CADM1: variants seen among roughly 807,000 people sequenced by gnomAD.
The protein encoded by CADM1 is cell adhesion molecule 1.
A neutral mutation model predicts 53.1 loss-of-function variants in CADM1; 15 were observed. The observed-to-expected ratio is 0.28, with a 90% CI of 0.19 to 0.44. The LOEUF is 0.44. CADM1 is among the 20% of genes least tolerant of loss of function. The probability of loss-of-function intolerance (pLI) is 1.00; values close to 1 mark genes in which losing one functional copy is unlikely to be tolerated. For missense variants in CADM1, 434 were observed against 611.3 expected, an observed-to-expected ratio of 0.71 and a Z score of 3.06; for synonymous variants, 281 against 243.0, an observed-to-expected ratio of 1.16 and a Z score of -1.45.
At chr11:115,298,653 G>A (rs1259882858) in intron 1 of CADM1, among the ~76,000 whole-genome samples, 1 of 152,212 alleles carries the variant, frequency 6.6e-6, no homozygotes, top group Non-Finnish European at 1.5e-5. Flanking sequence ...TTGAGAAAGA[G>A]TTGGAAAGAT....
At chr11:115,354,027 G>C (rs1945802132) in intron 1 of CADM1, among the ~76,000 whole-genome samples, 1 of 152,136 alleles carries the variant, frequency 6.6e-6, no homozygotes, top group South Asian at 2.1e-4. Flanking sequence ...CTAGTGTCCA[G>C]CACACAGTAC....
At chr11:115,178,838 G>C in intron 10 of CADM1, 63 bp from the exon 11 acceptor site, 1 of 1,577,944 alleles carries the variant, frequency 6.3e-7, no homozygotes, top group South Asian at 1.1e-5. Flanking sequence ...AAGCCCCGGC[G>C]ACACTGTCTC....
intron 1 of CADM1, among the ~76,000 whole-genome samples, chr11:115,308,209 TATAC>T (rs1565356351): frequency 5.2e-5 from 3 of 58,030 alleles, no homozygotes; most frequent in African/African-American, 2.4e-4. Flanking sequence ...TATATATATA[TATAC>T]ACACCTATGA....
At chr11:115,385,117 A>C (rs1163214442) in intron 1 of CADM1, among the ~76,000 whole-genome samples, 1 of 150,338 alleles carries the variant, frequency 6.7e-6, no homozygotes, top group Non-Finnish European at 1.5e-5. Context: ...ATACATTCAT[A>C]CTCATTTTAG....
At chr11:115,336,755 A>C (rs575586680) in intron 1 of CADM1, among the ~76,000 whole-genome samples, 38 of 152,294 alleles carry the variant, frequency 2.5e-4, no homozygotes, top group Non-Finnish European at 4.4e-4. Flanking sequence ...AGTAAGGTTA[A>C]AAATAAGTAT....
At chr11:115,252,616 A>G (rs1323354609) in intron 1 of CADM1, among the ~76,000 whole-genome samples, 8 of 152,210 alleles carry the variant, frequency 5.3e-5, no homozygotes, top group Non-Finnish European at 1.0e-4. Flanking sequence ...AACATGACTT[A>G]TCGTCTGGGT....
At chr11:115,484,338 G>A (rs539906810) in intron 1 of CADM1, among the ~76,000 whole-genome samples, 15 of 152,204 alleles carry the variant, frequency 9.9e-5, no homozygotes, top group Non-Finnish European at 1.6e-4. Context: ...CCTGCCATCC[G>A]GAAAGTGCTC....
intron 8 of CADM1, 121 bp from the exon 9 acceptor site, chr11:115,198,559 C>A: frequency 1.4e-6 from 1 of 730,486 alleles, no homozygotes; most frequent in South Asian, 1.5e-5. Context: ...AAGAACATCG[C>A]GTGACAAGCA....
At chr11:115,430,233 T>C (rs191482617) in intron 1 of CADM1, among the ~76,000 whole-genome samples, 6 of 152,332 alleles carry the variant, frequency 3.9e-5, no homozygotes. Flanking sequence ...CTCTTCACTT[T>C]CTCATTCTCC....
chr11:115,195,252 T>G (rs1940090418), intron 9 of CADM1, among the ~76,000 whole-genome samples: 1 of 152,238 alleles, frequency 6.6e-6, no homozygotes, highest in African/African-American at 2.4e-5. Flanking sequence ...GCCCATGCAC[T>G]TCTAACCTTC....
At chr11:115,454,597 A>C (rs1948645347) in intron 1 of CADM1, among the ~76,000 whole-genome samples, 1 of 152,210 alleles carries the variant, frequency 6.6e-6, no homozygotes, top group Non-Finnish European at 1.5e-5. Context: ...AAGATCCTAC[A>C]TCATATCAAG....
At chr11:115,356,439 C>T (rs1412765088) in intron 1 of CADM1, among the ~76,000 whole-genome samples, 6 of 152,114 alleles carry the variant, frequency 3.9e-5, no homozygotes, top group Non-Finnish European at 8.8e-5. Context: ...ATGTCACTTA[C>T]GAACATTTTT....
intron 8 of CADM1, among the ~76,000 whole-genome samples, chr11:115,204,417 T>C (rs1422884680): frequency 6.6e-6 from 1 of 152,214 alleles, no homozygotes; most frequent in East Asian, 1.9e-4. Context: ...CGCAACCACA[T>C]GATAAGGGGT....
At chr11:115,316,797 G>T (rs2135176975) in intron 1 of CADM1, among the ~76,000 whole-genome samples, 1 of 152,270 alleles carries the variant, frequency 6.6e-6, no homozygotes, top group Non-Finnish European at 1.5e-5. Flanking sequence ...TCTTAAGGAA[G>T]TGTTCTACTA....
At chr11:115,178,555 C>CAA in intron 11 of CADM1, 89 bp downstream of exon 11, 1 of 1,155,798 alleles carries the variant, frequency 8.7e-7, no homozygotes, top group Non-Finnish European at 1.2e-6. Context: ...CCACATACAT[C>CAA]AAATTGCCTA....
At chr11:115,289,626 C>T (rs1479564837) in intron 1 of CADM1, among the ~76,000 whole-genome samples, 5 of 135,852 alleles carry the variant, frequency 3.7e-5, no homozygotes, top group Admixed American at 8.0e-5. Flanking sequence ...GACAGAGTCT[C>T]GCTCTGTCGC....
At chr11:115,326,728 A>G (rs1440297342) in intron 1 of CADM1, among the ~76,000 whole-genome samples, 2 of 152,188 alleles carry the variant, frequency 1.3e-5, no homozygotes, top group African/African-American at 4.8e-5. Context: ...GAATATTAAA[A>G]GCATGCTTCT....
At chr11:115,235,547 A>T (rs1941981794) in intron 3 of CADM1, among the ~76,000 whole-genome samples, 1 of 152,232 alleles carries the variant, frequency 6.6e-6, no homozygotes, top group Non-Finnish European at 1.5e-5. Context: ...AGAAAACAGT[A>T]ATGAAATGTC....
intron 1 of CADM1, among the ~76,000 whole-genome samples, chr11:115,366,618 C>G (rs891608011): frequency 6.6e-6 from 1 of 152,086 alleles, no homozygotes; most frequent in Non-Finnish European, 1.5e-5. Flanking sequence ...AAAAATGGCA[C>G]TAGAGAAAGG....
Sources: gnomAD v4.1 joint callset for allele counts (sites outside exome capture counted in the v4.1 genomes callset) on GRCh38, gnomAD v4.1.1 for gene constraint, MANE v1.5 for transcripts, NCBI Gene and HGNC (gene_info 2026-07-23, HGNC 2026-07-21) for gene names.